The following VPS26C variants were observed in gnomAD, a reference collection of about 807,000 sequenced individuals.
The protein encoded by VPS26C is VPS26 endosomal protein sorting factor C.
A neutral mutation model predicts 30.6 loss-of-function variants in VPS26C; 19 were observed. The ratio of observed to expected loss-of-function variants is 0.62; its 90% CI spans 0.43 to 0.91. The LOEUF (loss-of-function observed/expected upper bound fraction) is 0.91. VPS26C is among the 40% of genes least tolerant of loss of function. VPS26C has a pLI of 0.00. For synonymous variants in VPS26C, 132 were observed against 151.5 expected, an observed-to-expected ratio of 0.87 and a Z score of 0.95; for missense variants, 318 against 385.1, an observed-to-expected ratio of 0.83 and a Z score of 1.46.
At chr21:37,236,472 C>A (rs927778945) in intron 3 of VPS26C, among the ~76,000 whole-genome samples, 36 of 152,148 alleles carry the variant, frequency 2.4e-4, no homozygotes, top group African/African-American at 8.2e-4. Context: ...TTAATCAATA[C>A]TTGAGAATTT....
At chr21:37,262,819 G>C (rs1216002896) in intron 1 of VPS26C, among the ~76,000 whole-genome samples, 1 of 150,896 alleles carries the variant, frequency 6.6e-6, no homozygotes, top group Non-Finnish European at 1.5e-5. Context: ...CCAGGCTGGA[G>C]TGCAGTGGTG....
intron 5 of VPS26C, chr21:37,231,456 T>C (rs1311273808): frequency 6.6e-6 from 1 of 152,192 alleles, no homozygotes; most frequent in Non-Finnish European, 1.5e-5. Context: ...AAGGGAGACG[T>C]GCAGAACAGA....
chr21:37,243,669 C>A (rs1229353473), intron 1 of VPS26C, among the ~76,000 whole-genome samples: 1 of 152,232 alleles, frequency 6.6e-6, no homozygotes, highest in Non-Finnish European at 1.5e-5. Flanking sequence ...TCTCTCGAAA[C>A]TACCTGCTTT....
At position 37,242,913 on chromosome 21, in the gene VPS26C, T is replaced by C. The variant is rs192392211; in HGVS notation, c.58-2274A>G. On this transcript the variant is annotated intron_variant, in intron 1 of 7. Coordinates refer to ENST00000309117, the MANE Select transcript of VPS26C (RefSeq NM_006052.2). ...AAATATTTTATGACTCGAGACACAA[T>C]ATAGTACAGAAAATACAAAATTAAC... Among the ~76,000 whole-genome samples, 5 of 152,280 alleles carry C rather than the reference T, an allele frequency of 3.3e-5. No individual in the cohort carries two copies. In the East Asian group the frequency reaches 7.7e-4, roughly 24 times the overall value.
intron 1 of VPS26C, among the ~76,000 whole-genome samples, chr21:37,243,723 T>C (rs1000617447): frequency 6.6e-6 from 1 of 152,034 alleles, no homozygotes; most frequent in Non-Finnish European, 1.5e-5. Context: ...TCACACCCCA[T>C]CCGAGACTAC....
chr21:37,255,583 T>C (rs1195108869), intron 1 of VPS26C, among the ~76,000 whole-genome samples: 1 of 152,148 alleles, frequency 6.6e-6, no homozygotes, highest in Non-Finnish European at 1.5e-5. Flanking sequence ...AGCTTGTTCC[T>C]ATCAGAAGCA....
intron 1 of VPS26C, among the ~76,000 whole-genome samples, chr21:37,254,745 G>A (rs2086225698): frequency 6.6e-6 from 1 of 152,120 alleles, no homozygotes; most frequent in African/African-American, 2.4e-5. Context: ...AGGAGGCAGA[G>A]GCTGCAGTGA....
chr21:37,267,758 A>C, upstream of VPS26C: 1 of 197,948 alleles, frequency 5.1e-6, no homozygotes. Flanking sequence ...CGGTCGCCCA[A>C]TGGAGTTGTC....
rs1437915072 is a variant in VPS26C, at chr21:37,240,486, T to G, written c.201+10A>C. 2 of 1,613,370 alleles carry G rather than the reference T, an allele frequency of 1.2e-6. No homozygotes were observed. Among genetic ancestry groups the G allele is most frequent in the Admixed American group, 3.3e-5 (2 of 59,842 alleles). On this transcript the variant is annotated intron_variant, in intron 2 of 7. Coordinates refer to ENST00000309117, the MANE Select transcript of VPS26C (RefSeq NM_006052.2). ...AACTAAAAACTTGCAATCTAAGCAT[T>G]CTTTCTTACCTTAACAGAATTATAA...
intron 1 of VPS26C, among the ~76,000 whole-genome samples, chr21:37,264,447 T>C (rs2086338321): frequency 1.3e-5 from 2 of 152,314 alleles, no homozygotes; most frequent in South Asian, 4.1e-4. Flanking sequence ...TTCCACTGCT[T>C]GTGTCTTTTC....
At position 37,240,632 on chromosome 21, in the gene VPS26C, A is replaced by AC; in HGVS notation, c.64_65insG (p.Leu22ArgfsTer10). ...ACTCGATATGACCACCACGCCAGAGAGCACTTCCTGGGAGAGAAAAGACAG... is the reference window on the plus strand; with the variant it reads ...ACTCGATATGACCACCACGCCAGAGACGCACTTCCTGGGAGAGAAAAGACAG... On this transcript the variant is annotated frameshift_variant, in exon 2 of 8. Coordinates refer to ENST00000309117, the MANE Select transcript of VPS26C (RefSeq NM_006052.2). LOFTEE classifies it high-confidence loss of function. The AC allele has an allele frequency of 6.2e-7, 1 of 1,613,460 alleles. No individual in the cohort carries two copies. Among genetic ancestry groups the AC allele is most frequent in the Admixed American group, 1.7e-5 (1 of 59,860 alleles).
At chr21:37,267,341 AG>A (rs2086378882), upstream of VPS26C, 1 of 1,549,542 alleles carries the variant, frequency 6.5e-7, no homozygotes, top group Non-Finnish European at 8.9e-7. Context: ...GCGTGACCCC[AG>A]GGAAACAAGG....
intron 5 of VPS26C, chr21:37,228,623 T>C: frequency 2.5e-6 from 1 of 402,936 alleles, no homozygotes; most frequent in Admixed American, 4.1e-5. Flanking sequence ...CAGAGAACCA[T>C]CCTAATTGCC....
At chr21:37,251,467 C>T (rs2086192988) in intron 1 of VPS26C, among the ~76,000 whole-genome samples, 1 of 152,172 alleles carries the variant, frequency 6.6e-6, no homozygotes, top group South Asian at 2.1e-4. Context: ...CACTCCCATA[C>T]ATTCTACTTT....
chr21:37,244,813 G>A (rs1256037029), intron 1 of VPS26C, among the ~76,000 whole-genome samples: 2 of 152,146 alleles, frequency 1.3e-5, no homozygotes, highest in African/African-American at 2.4e-5. Context: ...GATGAAAAAC[G>A]GAAAGAAGGC....
chr21:37,226,956 T>C lies in VPS26C; in HGVS notation c.811+698A>G, dbSNP rs1366678086. 6.6e-6 allele frequency: 1 copy of C among 152,192 alleles called. No homozygotes were observed. Among genetic ancestry groups the C allele is most frequent in the Non-Finnish European group, 1.5e-5 (1 of 68,044 alleles). 9.4% of individuals were successfully genotyped at this position (152,192 alleles called of 1,614,324 possible). On this transcript the variant is annotated intron_variant, in intron 7 of 7. Coordinates refer to ENST00000309117, the MANE Select transcript of VPS26C (RefSeq NM_006052.2). This position sits in a 1 kb window ranked among gnomAD's most constrained non-coding sequence, Gnocchi z 4.1. ...GATTCTTATTAAGATGGAGGTCCCA[T>C]TACAATATTTATAGGAAGAGTTAAA...
rs1009015679 is a variant in VPS26C, at chr21:37,232,579, C to T, written c.433-128G>A. The T allele has an allele frequency of 6.5e-6, 5 of 772,076 alleles. No individual in the cohort carries two copies. In the East Asian group the frequency reaches 7.7e-5, roughly 12 times the overall value. 47.8% of individuals were successfully genotyped at this position (772,076 alleles called of 1,614,324 possible). A position where few individuals can be genotyped will look rare whatever the true frequency, so the allele number is the denominator to read the frequency against. On this transcript the variant is annotated intron_variant, in intron 4 of 7. Transcript: ENST00000309117. ...GCAGGAAGGACGGGGAACTAAGAGG[C>T]GCAAGCCTGGGTCCTGAACACAGTT...
chr21:37,264,973 A>C (rs2148314053), intron 1 of VPS26C, among the ~76,000 whole-genome samples: 1 of 152,352 alleles, frequency 6.6e-6, no homozygotes, highest in African/African-American at 2.4e-5. Context: ...TGAGGAACTG[A>C]CTCATGCTAT....
intron 1 of VPS26C, among the ~76,000 whole-genome samples, chr21:37,262,960 TC>T (rs1235225911): frequency 6.6e-6 from 1 of 152,072 alleles, no homozygotes; most frequent in Non-Finnish European, 1.5e-5. Context: ...AGATGAGGTT[TC>T]GCCACGTTGG....
Sources: allele counts gnomAD v4.1 joint callset (sites outside exome capture counted in the v4.1 genomes callset), GRCh38; gene constraint gnomAD v4.1.1; non-coding constraint Gnocchi (gnomAD v3.1); transcripts MANE v1.5; gene names NCBI Gene and HGNC (gene_info 2026-07-23, HGNC 2026-07-21).